The following WASF1 variants were observed in gnomAD, a reference collection of about 807,000 sequenced individuals.
WASF1 encodes WASP family member 1.
A neutral mutation model predicts 50.5 loss-of-function variants in WASF1; 7 were observed. The ratio of observed to expected loss-of-function variants is 0.14; its 90% CI spans 0.08 to 0.26. WASF1 has a LOEUF of 0.26. WASF1 is among the 10% of genes least tolerant of loss of function. WASF1 has a pLI of 1.00. For missense variants in WASF1, 470 were observed against 694.7 expected (o/e 0.68, Z 3.64); for synonymous variants, 205 against 244.0 (o/e 0.84, Z 1.49).
intron 2 of WASF1, among the ~76,000 whole-genome samples, chr6:110,178,263 T>A (rs1777020311): frequency 6.6e-6 from 1 of 152,150 alleles, no homozygotes; most frequent in Non-Finnish European, 1.5e-5. Context: ...ATCAAATACT[T>A]CATTCAAATA....
intron 5 of WASF1, among the ~76,000 whole-genome samples, chr6:110,111,710 T>A (rs1228600200): frequency 6.6e-6 from 1 of 152,248 alleles, no homozygotes; most frequent in African/African-American, 2.4e-5. Flanking sequence ...GACAGATCCA[T>A]ACAGACAAAT....
chr6:110,172,456 T>C (rs1050811335), intron 2 of WASF1, among the ~76,000 whole-genome samples: 1 of 152,188 alleles, frequency 6.6e-6, no homozygotes, highest in African/African-American at 2.4e-5. Context: ...TTGTGTATTA[T>C]GATGTACCAC....
At chr6:110,122,500 AC>A (rs1774186083) in intron 4 of WASF1, among the ~76,000 whole-genome samples, 1 of 152,268 alleles carries the variant, frequency 6.6e-6, no homozygotes, top group East Asian at 1.9e-4. Context: ...GCCCACCTCT[AC>A]TACTTCTACC....
At position 110,129,940 on chromosome 6, in the gene WASF1, T is replaced by C. The variant is rs184866647; in HGVS notation, c.-28-2311A>G. 9.1e-4 allele frequency among the ~76,000 whole-genome samples: 138 copies of C among 152,360 alleles called. 1 individual carries two copies. Among genetic ancestry groups the C allele is most frequent in the South Asian group, 4.6e-3 (22 of 4,834 alleles). On this transcript the variant is annotated intron_variant, in intron 3 of 10. Coordinates refer to ENST00000392589, the MANE Select transcript of WASF1 (RefSeq NM_003931.3). ...GATCATTTTTCATGGTTTCAACTTA[T>C]ACTGTCATTTTTTACAGTCCTGCAC...
chr6:110,164,529 T>A (rs1373687770), intron 2 of WASF1, among the ~76,000 whole-genome samples: 1 of 151,700 alleles, frequency 6.6e-6, no homozygotes, highest in African/African-American at 2.4e-5. Context: ...ACATGCCTAT[T>A]AGAATGGCCA....
intron 6 of WASF1, among the ~76,000 whole-genome samples, chr6:110,108,186 A>G (rs1773410716): frequency 6.7e-6 from 1 of 148,860 alleles, no homozygotes; most frequent in Non-Finnish European, 1.5e-5. Flanking sequence ...AGCAAAAATT[A>G]TGTTTATTTT....
chr6:110,174,203 T>C (rs1301146966), intron 2 of WASF1, among the ~76,000 whole-genome samples: 1 of 152,042 alleles, frequency 6.6e-6, no homozygotes, highest in African/African-American at 2.4e-5. Context: ...TAACTTCCAC[T>C]AATCTTGCCT....
At chr6:110,116,133 T>A (rs1773794111) in intron 4 of WASF1, among the ~76,000 whole-genome samples, 1 of 152,136 alleles carries the variant, frequency 6.6e-6, no homozygotes, top group South Asian at 2.1e-4. Context: ...GACGGGTGAT[T>A]TCTGCATTTC....
chr6:110,103,331 G>A (rs762793596), intron 9 of WASF1, 47 bp downstream of exon 9: 2 of 1,570,588 alleles, frequency 1.3e-6, no homozygotes, highest in South Asian at 2.4e-5. Context: ...GAAAGAAAAA[G>A]CTTACTGACT....
chr6:110,172,983 TCCTC>T (rs1414039663), intron 2 of WASF1, among the ~76,000 whole-genome samples: 1 of 152,150 alleles, frequency 6.6e-6, no homozygotes, highest in East Asian at 1.9e-4. Flanking sequence ...GCTTCACTGT[TCCTC>T]CCTTTTCGTT....
intron 4 of WASF1, among the ~76,000 whole-genome samples, chr6:110,117,184 G>C (rs1239840017): frequency 2.0e-5 from 3 of 152,126 alleles, no homozygotes; most frequent in Non-Finnish European, 4.4e-5. Context: ...ATAGAAGTAG[G>C]CTTCACAAGG....
chr6:110,117,770 C>T (rs1014209610), intron 4 of WASF1, among the ~76,000 whole-genome samples: 2 of 152,120 alleles, frequency 1.3e-5, no homozygotes, highest in African/African-American at 2.4e-5. Context: ...AGAGAAAGGT[C>T]GGGTTACCTA....
At chr6:110,107,225 A>G (rs761459265) in intron 6 of WASF1, 31 bp from the exon 7 acceptor site, 6 of 1,401,576 alleles carry the variant, frequency 4.3e-6, no homozygotes, top group Non-Finnish European at 5.9e-6. Flanking sequence ...TAAAACACAC[A>G]TTAGTAAGAC....
intron 3 of WASF1, among the ~76,000 whole-genome samples, chr6:110,142,715 T>G (rs1775303498): frequency 6.6e-6 from 1 of 152,064 alleles, no homozygotes; most frequent in Non-Finnish European, 1.5e-5. Context: ...ATCTCAGTAT[T>G]TTTAATACTG....
At chr6:110,173,428 T>G (rs55748081) in intron 2 of WASF1, among the ~76,000 whole-genome samples, 1 of 152,038 alleles carries the variant, frequency 6.6e-6, no homozygotes, top group African/African-American at 2.4e-5. Flanking sequence ...AATGGTACCT[T>G]TGCAGCATAA....
At chr6:110,104,185 C>CTAA (rs1773216199) in intron 8 of WASF1, among the ~76,000 whole-genome samples, 2 of 151,950 alleles carry the variant, frequency 1.3e-5, no homozygotes, top group Non-Finnish European at 2.9e-5. Context: ...ATAACTCGAA[C>CTAA]ATGTTAAGAT....
At position 110,101,847 on chromosome 6, in the gene WASF1, C is replaced by CTT; in HGVS notation, c.1262_1263insAA (p.Gly422ArgfsTer49). On this transcript the variant is annotated frameshift_variant, in exon 10 of 11. Transcript: ENST00000392589. LOFTEE classifies it high-confidence loss of function. ...GCGGTGGTGGGGGTGGAGGCAGCCC[C>CTT]TGAACTTCACCTTGTGGGAGTGGAT... 6.2e-7 allele frequency: 1 copy of CTT among 1,613,710 alleles called. No individual in the cohort carries two copies. Among genetic ancestry groups the CTT allele is most frequent in the Non-Finnish European group, 8.5e-7 (1 of 1,179,866 alleles).
chr6:110,170,786 T>C (rs935096575), intron 2 of WASF1, among the ~76,000 whole-genome samples: 2 of 151,834 alleles, frequency 1.3e-5, no homozygotes, highest in African/African-American at 4.8e-5. Context: ...TCAAAACAAA[T>C]CTGAAGTAGC....
rs1450872420 is a variant in WASF1 at position 110,099,963 on chromosome 6, T to G, written c.*559A>C. 6.6e-6 allele frequency: 1 copy of G among 152,496 alleles called. No homozygotes were observed. The highest frequency in any genetic ancestry group is 1.5e-5 in the Non-Finnish European group (1 of 68,020). The allele number at this position is 152,496 out of a possible 1,614,324, so 9.4% of individuals were successfully genotyped here. A position where few individuals can be genotyped will look rare whatever the true frequency, so the allele number is the denominator to read the frequency against. ...AAAATCATATCACACAATATATAAG[T>G]GGGAAGGGGATACTGCTAAACATTC... On this transcript the variant is annotated 3_prime_UTR_variant, in exon 11 of 11. Transcript: ENST00000392589.
Sources: gnomAD v4.1 joint callset for allele counts (sites outside exome capture counted in the v4.1 genomes callset) on GRCh38, gnomAD v4.1.1 for gene constraint, MANE v1.5 for transcripts, NCBI Gene and HGNC (gene_info 2026-07-23, HGNC 2026-07-21) for gene names.